DNAH17: variants seen among roughly 807,000 people sequenced by gnomAD.
DNAH17 encodes dynein axonemal heavy chain 17.
DNAH17 carries 376 observed loss-of-function variants against 485.6 expected under a neutral mutation model. The observed-to-expected ratio is 0.77, with a 90% CI of 0.71 to 0.84. DNAH17 has a LOEUF of 0.84. Ranked by LOEUF, DNAH17 falls within the 40% of genes least tolerant of loss-of-function variation. The pLI, the probability that DNAH17 is intolerant of heterozygous loss-of-function variation, is 0.00. For synonymous variants in DNAH17, 3,031 were observed against 2,405.9 expected, an observed-to-expected ratio of 1.26 and a Z score of -7.60; for missense variants, 6,370 against 5,839.3, an observed-to-expected ratio of 1.09 and a Z score of -2.96.
Position 78,434,061 on chromosome 17 carries a change from C to G in DNAH17, c.12193G>C (p.Val4065Leu). Residue 4065 changes from valine to leucine, a missense_variant, in exon 75 of 81, where the codon GTG (valine) becomes CTG (leucine). Transcript: ENST00000389840. ...NNGDLTISIN[V>L]LYNYLEANPK... ...TTGGCCTCCAGGTAGTTGTAGAGCA[C>G]GTTGATGGAGATGGTGAGGTCCCCG... The G allele has an allele frequency of 1.2e-6, 2 of 1,612,314 alleles. No homozygotes were observed. The highest frequency in any genetic ancestry group is 1.7e-6 in the Non-Finnish European group (2 of 1,179,184).
intron 48 of DNAH17, 85 bp downstream of exon 48, chr17:78,484,783 G>A (rs2089520906): frequency 3.0e-6 from 2 of 671,350 alleles, no homozygotes; most frequent in Non-Finnish European, 1.8e-6. Flanking sequence ...CTGCCCTGGG[G>A]CTCCGCCTCT....
At chr17:78,548,519 T>C (rs1207647772) in intron 16 of DNAH17, among the ~76,000 whole-genome samples, 1 of 152,282 alleles carries the variant, frequency 6.6e-6, no homozygotes, top group Admixed American at 6.5e-5. Context: ...CTTTTTAATT[T>C]AAGAAAAAAT....
intron 29 of DNAH17, 50 bp downstream of exon 29, chr17:78,507,228 A>C (rs747046448): frequency 6.3e-7 from 1 of 1,596,018 alleles, no homozygotes. Context: ...CTTAAGACTT[A>C]GGGAATCTGC....
rs2090178303 is a variant in DNAH17 at position 78,499,055 on chromosome 17, C to T, written c.5698G>A (p.Glu1900Lys). The T allele has an allele frequency of 1.2e-6, 2 of 1,610,724 alleles. No homozygotes were observed. Among genetic ancestry groups the T allele is most frequent in the Non-Finnish European group, 8.5e-7 (1 of 1,178,538 alleles). ...AQTGAWGCFDEFNRISVEVLS... is the reference protein window; with the variant it reads ...AQTGAWGCFDKFNRISVEVLS... ...ACTTCCACTGAGATGCGATTAAACTCGTCAAAGCAGCCCCAGGCTCCCGTC... is the reference window on the plus strand; with the variant it reads ...ACTTCCACTGAGATGCGATTAAACTTGTCAAAGCAGCCCCAGGCTCCCGTC... Residue 1900 changes from glutamate to lysine, a missense_variant, in exon 37 of 81, where the codon GAG becomes AAG. Glu to Lys is a moderately conservative substitution (Grantham distance 56). Transcript: ENST00000389840.
At chr17:78,552,898 T>C (rs1241234342) in intron 14 of DNAH17, 93 bp from the exon 15 acceptor site, 3 of 852,716 alleles carry the variant, frequency 3.5e-6, no homozygotes, top group East Asian at 2.4e-5. Flanking sequence ...CACCAACTAA[T>C]ACGGTTTGGA....
intron 57 of DNAH17, among the ~76,000 whole-genome samples, chr17:78,462,052 G>T (rs112901983): frequency 0.019 from 2,944 of 152,072 alleles, 54 homozygotes; most frequent in Non-Finnish European, 0.031. Context: ...TGTGCCCATG[G>T]TCCCAGCTAC....
chr17:78,475,170 G>T, intron 54 of DNAH17, 108 bp downstream of exon 54: 1 of 1,268,098 alleles, frequency 7.9e-7, no homozygotes, highest in Non-Finnish European at 1.1e-6. Context: ...TATTGGTGAT[G>T]CTCGGATTCC....
At chr17:78,434,945 G>A (rs777769004) in intron 74 of DNAH17, among the ~76,000 whole-genome samples, 1 of 152,188 alleles carries the variant, frequency 6.6e-6, no homozygotes. Context: ...GCTGGGGAGG[G>A]ACAGATAAGT....
intron 44 of DNAH17, among the ~76,000 whole-genome samples, chr17:78,486,874 C>T (rs888457486): frequency 5.9e-5 from 9 of 151,496 alleles, no homozygotes; most frequent in East Asian, 1.9e-4. Flanking sequence ...GTGGGGGGCA[C>T]GAAGGTGGGG....
intron 48 of DNAH17, chr17:78,484,625 T>C (rs692116): frequency 0.59 from 188,711 of 322,410 alleles, 56,893 homozygotes; most frequent in Admixed American, 0.69. Context: ...GTGAAATGGG[T>C]GATGGACGAA....
At position 78,486,287 on chromosome 17, in the gene DNAH17, C is replaced by T. The variant is rs771640141; in HGVS notation, c.7038G>A (p.Leu2346=). 6.2e-7 allele frequency: 1 copy of T among 1,610,918 alleles called. No homozygotes were observed. Among genetic ancestry groups the T allele is most frequent in the Non-Finnish European group, 8.5e-7 (1 of 1,177,626 alleles). ...KTVPPDSPRE[L]YELYFVFTCF... is the part of the protein sequence containing the mutation. ...AGGTGAACACGAAGTACAGCTCGTA[C>T]AGCTCCCTGGGGGAGTCGGGGGGCA... The change falls in exon 45 of 81, where the codon CTG becomes CTA. Residue 2346 remains leucine (L), a synonymous_variant. Coordinates refer to ENST00000389840, the MANE Select transcript of DNAH17 (RefSeq NM_173628.4).
rs377243182 is a variant in DNAH17, at chr17:78,569,266, A to G, written c.1198-14T>C. The G allele has an allele frequency of 1.8e-5, 28 of 1,599,734 alleles. No homozygotes were observed. Among genetic ancestry groups the G allele is most frequent in the Middle Eastern group, 3.3e-4 (2 of 6,074 alleles). ...GGGCTCTTTGTCCTTAGAGGAGAGA[A>G]AGAGAGATGAGGCCACGTTTGCTTC... On this transcript the variant is annotated splice_polypyrimidine_tract_variant and intron_variant, in intron 8 of 80. Transcript: ENST00000389840.
chr17:78,460,661 T>C (rs1272588275), intron 58 of DNAH17, among the ~76,000 whole-genome samples: 1 of 152,178 alleles, frequency 6.6e-6, no homozygotes. Context: ...GAATGAGCAA[T>C]GCCTCGACAG....
intron 57 of DNAH17, among the ~76,000 whole-genome samples, chr17:78,462,042 T>C (rs922148948): frequency 1.3e-5 from 2 of 152,000 alleles, no homozygotes; most frequent in African/African-American, 4.8e-5. Flanking sequence ...CATGGTGGCC[T>C]GTGCCCATGG....
At chr17:78,447,454 C>G (rs2087357361) in intron 69 of DNAH17, among the ~76,000 whole-genome samples, 1 of 152,168 alleles carries the variant, frequency 6.6e-6, no homozygotes, top group Non-Finnish European at 1.5e-5. Flanking sequence ...TAACCTGGCA[C>G]CCTCTGTCTC....
rs779054042 is a variant in DNAH17, at chr17:78,525,095, C to T, written c.3778G>A (p.Glu1260Lys). ...EALSKSGGLFEVPVPDYKQLK... is the reference protein window; with the variant it reads ...EALSKSGGLFKVPVPDYKQLK... ...TGCTTGTAGTCTGGGACGGGGACCTCGAACAGGCCCCCGGACTTGGACAGC... is the reference window on the plus strand; with the variant it reads ...TGCTTGTAGTCTGGGACGGGGACCTTGAACAGGCCCCCGGACTTGGACAGC... Residue 1260 changes from glutamate (E) to lysine (K), a missense_variant, in exon 25 of 81, where the codon GAG becomes AAG. Glu to Lys is a moderately conservative substitution (Grantham distance 56). Transcript: ENST00000389840. The T allele has an allele frequency of 1.2e-5, 19 of 1,613,684 alleles. No homozygotes were observed. Among genetic ancestry groups the T allele is most frequent in the South Asian group, 1.1e-5 (1 of 91,084 alleles).
intron 26 of DNAH17, 143 bp downstream of exon 26, chr17:78,514,631 T>A: frequency 8.7e-7 from 1 of 1,145,000 alleles, no homozygotes; most frequent in Non-Finnish European, 1.2e-6. Context: ...CGCAGGTCAC[T>A]TGTGCACGAA....
At chr17:78,465,663 C>T (rs1294140989) in intron 56 of DNAH17, among the ~76,000 whole-genome samples, 6 of 150,780 alleles carry the variant, frequency 4.0e-5, no homozygotes, top group Non-Finnish European at 7.4e-5. Context: ...CTGGCCGCCC[C>T]GTCTGAGAAG....
At chr17:78,465,814 TCAGCCCCCCGCC>T (rs1290798375) in intron 56 of DNAH17, among the ~76,000 whole-genome samples, 59 of 141,606 alleles carry the variant, frequency 4.2e-4, no homozygotes, top group Admixed American at 1.7e-3. Flanking sequence ...AGGTGGGGGG[TCAGCCCCCCGCC>T]CGGCCAGCCG....
Sources: gnomAD v4.1 joint callset for allele counts (sites outside exome capture counted in the v4.1 genomes callset) on GRCh38, gnomAD v4.1.1 for gene constraint, MANE v1.5 for transcripts, NCBI Gene and HGNC (gene_info 2026-07-23, HGNC 2026-07-21) for gene names.